The following ECPAS variants were observed in gnomAD, a reference collection of about 807,000 sequenced individuals.
The protein encoded by ECPAS is proteasome adapter and scaffold protein ECM29.
ECPAS carries 70 observed loss-of-function variants against 255.1 expected under a neutral mutation model. The observed-to-expected ratio is 0.27, with a 90% CI of 0.23 to 0.33. ECPAS has a LOEUF of 0.33. Among genes scored for constraint, ECPAS ranks in the 10% least tolerant of loss-of-function variants. ECPAS has a pLI of 1.00. For synonymous variants in ECPAS, 784 were observed against 775.0 expected (o/e 1.01, Z -0.19); for missense variants, 1,817 against 2,206.4 (o/e 0.82, Z 3.54).
chr9:111,391,530 G>A (rs137983825), intron 29 of ECPAS, among the ~76,000 whole-genome samples: 134 of 150,594 alleles, frequency 8.9e-4, no homozygotes, highest in East Asian at 7.3e-3. Flanking sequence ...GCAGTGAGCC[G>A]AGATTACTCC....
chr9:111,383,109 TA>T, intron 35 of ECPAS, 101 bp downstream of exon 35: 1 of 1,420,088 alleles, frequency 7.0e-7, no homozygotes, highest in Non-Finnish European at 9.7e-7. Flanking sequence ...GTCATTCTCC[TA>T]AACCTCTTTC....
At chr9:111,475,698 T>A (rs1285913934) in intron 1 of ECPAS, among the ~76,000 whole-genome samples, 1 of 151,102 alleles carries the variant, frequency 6.6e-6, no homozygotes, top group Non-Finnish European at 1.5e-5. Flanking sequence ...ATTGTGCCTC[T>A]GTACTCCAGC....
At chr9:111,430,850 A>C (rs1254090260) in intron 8 of ECPAS, among the ~76,000 whole-genome samples, 2 of 152,196 alleles carry the variant, frequency 1.3e-5, no homozygotes, top group African/African-American at 4.8e-5. Flanking sequence ...TCCCACCCAG[A>C]CTCAACAGAT....
intron 13 of ECPAS, 45 bp from the exon 14 acceptor site, chr9:111,422,245 G>C (rs560294570): frequency 1.3e-6 from 2 of 1,574,804 alleles, no homozygotes; most frequent in East Asian, 4.5e-5. Flanking sequence ...AAATTTCCAA[G>C]AGATGAAAAA....
At chr9:111,396,193 A>AT (rs954124316) in intron 25 of ECPAS, among the ~76,000 whole-genome samples, 8 of 151,936 alleles carry the variant, frequency 5.3e-5, no homozygotes, top group Admixed American at 2.6e-4. Context: ...TTCTGTTTAA[A>AT]TTTTTTTTTA....
chr9:111,411,015 T>C lies in ECPAS; in HGVS notation c.2342A>G (p.Gln781Arg), dbSNP rs61742565. The C allele has an allele frequency of 2.0e-3, 3,264 of 1,613,936 alleles. 5 individuals carry two copies. Among genetic ancestry groups the C allele is most frequent in the Non-Finnish European group, 2.5e-3 (2,960 of 1,179,832 alleles). ...TGTAGCACTCTGAATGAGTTCCTCT[T>C]GATCAGGGAGGGTGTCAGCATTTCT... is the stretch of plus-strand genomic sequence containing the variant. ...LERNADTLPDQEELIQSATET... is the reference protein window; with the variant it reads ...LERNADTLPDREELIQSATET... The change falls in exon 22 of 50, where the codon CAA becomes CGA. Residue 781 changes from glutamine to arginine, a missense_variant. This residue lies in a region of ECPAS where 194 missense variants were observed against 152.8 expected (regional missense o/e 1.27). Transcript: ENST00000684092.
chr9:111,415,228 C>CGTGT (rs541242640), intron 18 of ECPAS, among the ~76,000 whole-genome samples: 2,640 of 126,900 alleles, frequency 0.021, 82 homozygotes, highest in African/African-American at 0.065. Context: ...TTTTAAAAGC[C>CGTGT]GTGTGTGTGT....
intron 24 of ECPAS, among the ~76,000 whole-genome samples, chr9:111,398,440 T>C (rs914175598): frequency 1.3e-5 from 2 of 152,120 alleles, no homozygotes; most frequent in African/African-American, 4.8e-5. Context: ...TATCTGGACA[T>C]TGCTGTAAAT....
chr9:111,441,906 G>A (rs544896952), intron 5 of ECPAS, among the ~76,000 whole-genome samples: 10 of 152,208 alleles, frequency 6.6e-5, no homozygotes, highest in South Asian at 6.2e-4. Context: ...CCTTTTCACC[G>A]CACCACTTCC....
Position 111,484,174 on chromosome 9 carries a change from C to G in ECPAS, c.-141G>C. 1 of 1,484,348 alleles carries G rather than the reference C, an allele frequency of 6.7e-7. No homozygotes were observed. Among genetic ancestry groups the G allele is most frequent in the East Asian group, 2.9e-5 (1 of 34,586 alleles). The allele number at this position is 1,484,348 out of a possible 1,614,324, so 91.9% of individuals were successfully genotyped here. ...TGCGCTCGGCGCCGCGAGGTGAGGG[C>G]TGTAGAGCGAGGCGTTCGGCGGGCC... On this transcript the variant is annotated 5_prime_UTR_variant, in exon 1 of 50. Coordinates refer to ENST00000684092, the MANE Select transcript of ECPAS (RefSeq NM_001364929.1).
chr9:111,452,981 T>G (rs1401987353), intron 2 of ECPAS, among the ~76,000 whole-genome samples: 1 of 152,118 alleles, frequency 6.6e-6, no homozygotes, highest in Non-Finnish European at 1.5e-5. Context: ...CAGTGGCTTA[T>G]GCCTATAATC....
intron 49 of ECPAS, among the ~76,000 whole-genome samples, chr9:111,362,988 C>T (rs1018701331): frequency 8.6e-5 from 13 of 152,026 alleles, no homozygotes; most frequent in African/African-American, 2.7e-4. Flanking sequence ...GCAGGAAAAA[C>T]GTTTCCATCT....
chr9:111,424,710 T>C (rs1169583987), intron 12 of ECPAS, among the ~76,000 whole-genome samples: 2 of 152,040 alleles, frequency 1.3e-5, no homozygotes, highest in Non-Finnish European at 1.5e-5. Flanking sequence ...GAGAAAAATA[T>C]AAAAGAAAAA....
intron 2 of ECPAS, among the ~76,000 whole-genome samples, chr9:111,470,745 G>A (rs946982260): frequency 5.2e-5 from 2 of 38,688 alleles, no homozygotes; most frequent in African/African-American, 2.8e-4. Context: ...CTCTCCTCCC[G>A]CCACACACAC....
At chr9:111,478,215 T>C (rs1056773794) in intron 1 of ECPAS, among the ~76,000 whole-genome samples, 3 of 151,568 alleles carry the variant, frequency 2.0e-5, no homozygotes, top group African/African-American at 7.3e-5. Context: ...GGCAACTTCA[T>C]GCTCAATGGT....
Position 111,361,725 on chromosome 9 carries a change from CTCTG to C in ECPAS, c.*301_*304del, listed in dbSNP as rs537045511. 274 of 195,200 alleles carry C rather than the reference CTCTG, an allele frequency of 1.4e-3. No homozygotes were observed. The highest frequency in any genetic ancestry group is 4.5e-3 in the African/African-American group (195 of 43,158). 12.1% of individuals were successfully genotyped at this position (195,200 alleles called of 1,614,324 possible). A position where few individuals can be genotyped will look rare whatever the true frequency, so the allele number is the denominator to read the frequency against. On this transcript the variant is annotated 3_prime_UTR_variant, in exon 50 of 50. Coordinates refer to ENST00000684092, the MANE Select transcript of ECPAS (RefSeq NM_001364929.1). ...GATTTTTATCCAGCTTGCTCTGCAA[CTCTG>C]TCTATTAATTCCTTTAATAACAGCT...
intron 35 of ECPAS, among the ~76,000 whole-genome samples, chr9:111,381,302 G>GGGAACAGCT (rs2098140293): frequency 6.6e-6 from 1 of 152,156 alleles, no homozygotes; most frequent in Admixed American, 6.5e-5. Flanking sequence ...GAGAGAGATG[G>GGGAACAGCT]GGAACAGCTG....
chr9:111,483,556 A>C (rs1382752153), intron 1 of ECPAS: 8 of 596,926 alleles, frequency 1.3e-5, no homozygotes, highest in Non-Finnish European at 1.7e-5. Flanking sequence ...TGCGCCGGGG[A>C]GGGAACGAGG....
intron 28 of ECPAS, among the ~76,000 whole-genome samples, chr9:111,392,065 G>A (rs887055309): frequency 2.6e-5 from 4 of 151,932 alleles, no homozygotes; most frequent in African/African-American, 4.8e-5. Flanking sequence ...ATGGTGAAAC[G>A]CCATCTCTAC....
Sources: gnomAD v4.1 joint callset for allele counts (sites outside exome capture counted in the v4.1 genomes callset) on GRCh38, gnomAD v4.1.1 for gene constraint, gnomAD v4.1.1 regional missense constraint, MANE v1.5 for transcripts, NCBI Gene and HGNC (gene_info 2026-07-23, HGNC 2026-07-21) for gene names.